CIT: variants seen among roughly 807,000 people sequenced by gnomAD.
The protein encoded by CIT is citron Rho-interacting kinase.
A neutral mutation model predicts 272.7 loss-of-function variants in CIT; 79 were observed. The ratio of observed to expected loss-of-function variants is 0.29; its 90% CI spans 0.24 to 0.35. The LOEUF (loss-of-function observed/expected upper bound fraction) is 0.35, where lower values mean the gene tolerates loss of function less well. Ranked by LOEUF, CIT falls within the 10% of genes least tolerant of loss-of-function variation. The pLI, the probability that CIT is intolerant of heterozygous loss-of-function variation, is 1.00. For missense variants in CIT, 1,909 were observed against 2,618.3 expected, an observed-to-expected ratio of 0.73 and a Z score of 5.91; for synonymous variants, 948 against 995.6, an observed-to-expected ratio of 0.95 and a Z score of 0.90.
intron 9 of CIT, 33 bp downstream of exon 9, chr12:119,822,787 A>G: frequency 6.2e-7 from 1 of 1,610,982 alleles, no homozygotes; most frequent in Non-Finnish European, 8.5e-7. Flanking sequence ...CATAATCCCA[A>G]CATCCCAAAT....
chr12:119,806,260 G>A (rs1327841989), intron 9 of CIT, among the ~76,000 whole-genome samples: 3 of 151,946 alleles, frequency 2.0e-5, no homozygotes, highest in African/African-American at 4.8e-5. Context: ...ACAGCTAGTC[G>A]GTCAAGTACA....
chr12:119,743,000 G>A (rs1302348339), intron 23 of CIT, among the ~76,000 whole-genome samples: 6 of 151,982 alleles, frequency 3.9e-5, no homozygotes, highest in Admixed American at 3.9e-4. Flanking sequence ...CTCTACATCG[G>A]CCTTGAAATA....
chr12:119,818,849 G>A (rs986825421), intron 9 of CIT, among the ~76,000 whole-genome samples: 5 of 152,168 alleles, frequency 3.3e-5, no homozygotes, highest in Admixed American at 6.5e-5. Flanking sequence ...AAGTGTGCTG[G>A]TTCCGTTGAC....
In CIT at chr12:119,730,590, C is replaced by A. The variant is rs1958381760; in HGVS notation, c.3391G>T (p.Val1131Leu). The part of the protein sequence containing the change: ...DQRITESRQV[V>L]ELAVKEHKAE... ...TTGTGCTCCTTCACTGCCAGCTCCA[C>A]CACCTGGCGAGACTCGGTGATCCGC... Residue 1131 changes from valine to leucine, a missense_variant, in exon 27 of 48, where the codon GTG becomes TTG. By Grantham distance (32) the Val-to-Leu change is conservative. Coordinates refer to ENST00000392521, the MANE Select transcript of CIT (RefSeq NM_001206999.2). 1 of 1,614,146 alleles carries A rather than the reference C, an allele frequency of 6.2e-7. No homozygotes were observed. Among genetic ancestry groups the A allele is most frequent in the African/African-American group, 1.3e-5 (1 of 75,052 alleles).
intron 23 of CIT, 113 bp downstream of exon 23, chr12:119,751,937 T>A (rs189959559): frequency 2.1e-6 from 2 of 938,436 alleles, no homozygotes; most frequent in South Asian, 1.9e-5. Flanking sequence ...TCTTTGTGGA[T>A]CATGTTTTCC....
intron 9 of CIT, among the ~76,000 whole-genome samples, chr12:119,821,422 G>A (rs1246674829): frequency 6.6e-6 from 1 of 152,160 alleles, no homozygotes; most frequent in Non-Finnish European, 1.5e-5. Flanking sequence ...ACATAGGTAT[G>A]TATGCACAGG....
At chr12:119,788,274 G>A (rs1964987260) in intron 10 of CIT, among the ~76,000 whole-genome samples, 2 of 152,114 alleles carry the variant, frequency 1.3e-5, no homozygotes, top group African/African-American at 4.8e-5. Context: ...CATATAAGAT[G>A]AAATGCTTGG....
chr12:119,717,921 A>G (rs774256384), intron 32 of CIT, among the ~76,000 whole-genome samples: 1 of 138,936 alleles, frequency 7.2e-6, no homozygotes, highest in Middle Eastern at 4.1e-3. Flanking sequence ...GGCTACCGCA[A>G]CCTCCGCCTC....
At chr12:119,806,705 C>G (rs974617299) in intron 9 of CIT, among the ~76,000 whole-genome samples, 1 of 145,446 alleles carries the variant, frequency 6.9e-6, no homozygotes, top group Admixed American at 7.1e-5. Flanking sequence ...CTACACCTTA[C>G]GGGTGCAACA....
At chr12:119,787,350 G>C (rs1053543320) in intron 10 of CIT, among the ~76,000 whole-genome samples, 1 of 151,868 alleles carries the variant, frequency 6.6e-6, no homozygotes, top group Non-Finnish European at 1.5e-5. Context: ...AGGATCGCTC[G>C]AGCCCAGGAG....
chr12:119,848,778 C>G (rs1315041865), intron 5 of CIT, among the ~76,000 whole-genome samples: 1 of 152,138 alleles, frequency 6.6e-6, no homozygotes, highest in African/African-American at 2.4e-5. Flanking sequence ...GTAATCCCAG[C>G]ACTTTGGAAG....
Position 119,710,597 on chromosome 12 carries a change from C to T in CIT, c.4878G>A (p.Leu1626=). ...ADAKLLGNSL[L]KLEGDDRLDM... is the part of the protein sequence containing the mutation. ...CTAGACGGTCATCACCTTCCAGTTT[C>T]AGCAGGGAGTTTCCAAGCAGTTTCT... Residue 1626 remains leucine (L), a synonymous_variant, in exon 38 of 48, where the codon CTG becomes CTA. Transcript: ENST00000392521. The surrounding 1 kb of genome is among the most constrained non-coding windows in gnomAD (Gnocchi z 5.6). 2 of 1,614,182 alleles carry T rather than the reference C, an allele frequency of 1.2e-6. No individual in the cohort carries two copies. Among genetic ancestry groups the T allele is most frequent in the Non-Finnish European group, 1.7e-6 (2 of 1,180,030 alleles).
At chr12:119,868,469 G>A (rs1006528716) in intron 3 of CIT, among the ~76,000 whole-genome samples, 7 of 152,102 alleles carry the variant, frequency 4.6e-5, no homozygotes, top group Non-Finnish European at 7.4e-5. Flanking sequence ...TATTATTGAG[G>A]TCTCTGGAAC....
chr12:119,863,178 G>A lies in CIT; in HGVS notation c.239-5480C>T, dbSNP rs141973621. ...GATCGCACCACTGCACTCCAACCTG[G>A]GCAACAGAGCGAGACTCTGTATCAA... On this transcript the variant is annotated intron_variant, in intron 3 of 47. Coordinates refer to ENST00000392521, the MANE Select transcript of CIT (RefSeq NM_001206999.2). Among the ~76,000 whole-genome samples, 1,180 of 135,304 alleles carry A rather than the reference G, an allele frequency of 8.7e-3. 8 individuals carry two copies. The highest frequency in any genetic ancestry group is 0.014 in the Non-Finnish European group (926 of 65,754). 88.8% of individuals were successfully genotyped at this position (135,304 alleles called of 152,430 possible). A position where few individuals can be genotyped will look rare whatever the true frequency, so the allele number is the denominator to read the frequency against.
chr12:119,810,200 C>T (rs1017112827), intron 9 of CIT, among the ~76,000 whole-genome samples: 1 of 152,144 alleles, frequency 6.6e-6, no homozygotes, highest in African/African-American at 2.4e-5. Context: ...GGACTGAGAC[C>T]TCCACCTGTG....
At chr12:119,771,057 G>A (rs1963091208) in intron 17 of CIT, 147 bp from the exon 18 acceptor site, 12 of 912,574 alleles carry the variant, frequency 1.3e-5, no homozygotes, top group Non-Finnish European at 1.8e-5. Flanking sequence ...GAGAAAATAA[G>A]ATTCTATAAT....
At chr12:119,769,049 A>G (rs573581466) in intron 18 of CIT, among the ~76,000 whole-genome samples, 3 of 149,224 alleles carry the variant, frequency 2.0e-5, no homozygotes, top group African/African-American at 7.5e-5. Flanking sequence ...TTTTTCCTTT[A>G]TGTTAGAAAT....
At chr12:119,811,720 C>T (rs1966849210) in intron 9 of CIT, among the ~76,000 whole-genome samples, 1 of 152,192 alleles carries the variant, frequency 6.6e-6, no homozygotes, top group Admixed American at 6.5e-5. Context: ...TGCTTTCCCT[C>T]ACTTCTGGAT....
chr12:119,729,906 C>T (rs1365786638), intron 27 of CIT, among the ~76,000 whole-genome samples: 4 of 152,166 alleles, frequency 2.6e-5, no homozygotes, highest in African/African-American at 9.7e-5. Flanking sequence ...ATCTGTAACG[C>T]TGAAGCGCCT....
Sources: gnomAD v4.1 joint callset for allele counts (sites outside exome capture counted in the v4.1 genomes callset) on GRCh38, gnomAD v4.1.1 for gene constraint, Gnocchi (gnomAD v3.1) non-coding constraint, MANE v1.5 for transcripts, NCBI Gene and HGNC (gene_info 2026-07-23, HGNC 2026-07-21) for gene names.